The following STARD13 variants were observed in gnomAD, a reference collection of about 807,000 sequenced individuals.
The protein encoded by STARD13 is StAR related lipid transfer domain containing 13, also known as stAR-related lipid transfer protein 13.
Under a neutral mutation model 106.4 loss-of-function variants are expected in STARD13, and 62 were observed. The observed-to-expected ratio is 0.58, with a 90% CI of 0.48 to 0.72. The LOEUF is 0.72. Among genes scored for constraint, STARD13 ranks in the 30% least tolerant of loss-of-function variants. The probability of loss-of-function intolerance (pLI) is 0.00; values close to 1 mark genes in which losing one functional copy is unlikely to be tolerated. For synonymous variants in STARD13, 565 were observed against 553.0 expected (o/e 1.02, Z -0.31); for missense variants, 1,387 against 1,424.0 (o/e 0.97, Z 0.42).
intron 1 of STARD13, among the ~76,000 whole-genome samples, chr13:33,343,604 T>TAAAAAAAAAA (rs1173728997): frequency 2.6e-5 from 2 of 76,584 alleles, no homozygotes; most frequent in African/African-American, 1.0e-4. Flanking sequence ...AAAACAAATC[T>TAAAAAAAAAA]ACAAATCTAG....
At chr13:33,546,675 A>T in the STARD13 span, among the ~76,000 whole-genome samples, 1 of 150,588 alleles carries the variant, frequency 6.6e-6, no homozygotes, top group African/African-American at 2.4e-5. Context: ...AGACAGTCTC[A>T]CTCTGTCGCC....
At chr13:33,622,225 A>G in the STARD13 span, among the ~76,000 whole-genome samples, 1 of 152,236 alleles carries the variant, frequency 6.6e-6, no homozygotes, top group African/African-American at 2.4e-5. Context: ...ATGGGGCGAA[A>G]ATAACCCTAT....
At chr13:33,635,286 G>A in the STARD13 span, among the ~76,000 whole-genome samples, 1 of 152,248 alleles carries the variant, frequency 6.6e-6, no homozygotes, top group Non-Finnish European at 1.5e-5. Flanking sequence ...AACATGTGCT[G>A]CTCTATATCC....
chr13:33,637,326 C>T, the STARD13 span, among the ~76,000 whole-genome samples: 1 of 152,160 alleles, frequency 6.6e-6, no homozygotes, highest in Non-Finnish European at 1.5e-5. Flanking sequence ...TCTACATTTC[C>T]ACCACCACAT....
chr13:33,500,357 A>T, the STARD13 span, among the ~76,000 whole-genome samples: 1 of 152,218 alleles, frequency 6.6e-6, no homozygotes, highest in Non-Finnish European at 1.5e-5. Flanking sequence ...TGCAATTTTT[A>T]AAAACATAGT....
chr13:33,348,117 C>T (rs929225497), downstream of STARD13, among the ~76,000 whole-genome samples: 1 of 152,188 alleles, frequency 6.6e-6, no homozygotes, highest in African/African-American at 2.4e-5. Context: ...TGCTGGCATC[C>T]ACTGTGAGCA....
At chr13:33,557,711 G>T in the STARD13 span, among the ~76,000 whole-genome samples, 4 of 152,256 alleles carry the variant, frequency 2.6e-5, no homozygotes, top group East Asian at 7.7e-4. Context: ...TGAGACCTTT[G>T]TAGAAATGAT....
At chr13:33,108,886 T>C (rs986456387) in intron 12 of STARD13, among the ~76,000 whole-genome samples, 4 of 152,210 alleles carry the variant, frequency 2.6e-5, no homozygotes, top group Non-Finnish European at 5.9e-5. Flanking sequence ...TTTGGTAATA[T>C]GCCACCCTTA....
intron 1 of STARD13, among the ~76,000 whole-genome samples, chr13:33,312,940 G>T (rs994308932): frequency 6.6e-5 from 10 of 152,180 alleles, no homozygotes; most frequent in African/African-American, 2.4e-4. Context: ...TAATAACATT[G>T]TTCCTAGGTG....
chr13:33,464,937 T>C, the STARD13 span, among the ~76,000 whole-genome samples: 1 of 152,086 alleles, frequency 6.6e-6, no homozygotes, highest in Non-Finnish European at 1.5e-5. Flanking sequence ...AAAGTCAAAC[T>C]ACAAGTGCCA....
the STARD13 span, among the ~76,000 whole-genome samples, chr13:33,571,176 G>A: frequency 6.6e-6 from 1 of 152,126 alleles, no homozygotes; most frequent in Non-Finnish European, 1.5e-5. Flanking sequence ...GCTCTCCAAA[G>A]AACTGAGATT....
chr13:33,352,719 G>C (rs1024359549), upstream of STARD13, among the ~76,000 whole-genome samples: 4 of 152,236 alleles, frequency 2.6e-5, no homozygotes, highest in African/African-American at 9.6e-5. Context: ...CTCTCTGCCA[G>C]CCCCGGCTGC....
At chr13:33,218,349 G>T (rs1239849492) in intron 1 of STARD13, among the ~76,000 whole-genome samples, 1 of 152,102 alleles carries the variant, frequency 6.6e-6, no homozygotes, top group Admixed American at 6.5e-5. Flanking sequence ...CCAGGTGAAG[G>T]GTAAGTGAAA....
At chr13:33,305,325 G>A (rs985988748) in intron 1 of STARD13, among the ~76,000 whole-genome samples, 1 of 152,246 alleles carries the variant, frequency 6.6e-6, no homozygotes, top group Admixed American at 6.5e-5. Flanking sequence ...TCCAGAATGA[G>A]TTAAGCAGAA....
the STARD13 span, among the ~76,000 whole-genome samples, chr13:33,672,940 T>A: frequency 5.9e-5 from 9 of 152,230 alleles, no homozygotes; most frequent in Non-Finnish European, 1.0e-4. Context: ...TTGGATGTCT[T>A]ACAAGCCATT....
At chr13:33,519,545 T>C in the STARD13 span, among the ~76,000 whole-genome samples, 3 of 152,034 alleles carry the variant, frequency 2.0e-5, no homozygotes, top group Non-Finnish European at 4.4e-5. Context: ...AAATTCCAAC[T>C]TGCCCATGCT....
chr13:33,294,199 C>T (rs753670189), intron 1 of STARD13, among the ~76,000 whole-genome samples: 2 of 152,130 alleles, frequency 1.3e-5, no homozygotes, highest in East Asian at 1.9e-4. Context: ...GCATGCTTGC[C>T]GTGCCTTTAA....
At chr13:33,402,558 G>A in the STARD13 span, among the ~76,000 whole-genome samples, 1 of 152,210 alleles carries the variant, frequency 6.6e-6, no homozygotes, top group East Asian at 1.9e-4. Flanking sequence ...CCCTAAGTAG[G>A]AACAGGCATT....
intron 3 of STARD13, among the ~76,000 whole-genome samples, chr13:33,146,633 A>G (rs947309641): frequency 2.6e-5 from 4 of 152,266 alleles, no homozygotes; most frequent in Admixed American, 6.5e-5. Flanking sequence ...AGTGAGTGAC[A>G]TCAGTGAAAA....
Sources: allele counts gnomAD v4.1 joint callset (sites outside exome capture counted in the v4.1 genomes callset), GRCh38; gene constraint gnomAD v4.1.1; transcripts MANE v1.5; gene names NCBI Gene and HGNC (gene_info 2026-07-23, HGNC 2026-07-21).